The following TOP2B variants were observed in gnomAD, a reference collection of about 807,000 sequenced individuals.
The protein encoded by TOP2B is DNA topoisomerase 2-beta.
TOP2B carries 51 observed loss-of-function variants against 193.5 expected under a neutral mutation model. The ratio of observed to expected loss-of-function variants is 0.26; its 90% CI spans 0.21 to 0.33. The LOEUF is 0.33. Among genes scored for constraint, TOP2B ranks in the 10% least tolerant of loss-of-function variants. TOP2B has a pLI of 1.00. For missense variants in TOP2B, 1,378 were observed against 1,909.3 expected (o/e 0.72, Z 5.19); for synonymous variants, 634 against 635.7 (o/e 1.00, Z 0.04).
At position 25,598,462 on chromosome 3, in the gene TOP2B, A is replaced by C. The variant is rs767371578; in HGVS notation, c.4726T>G (p.Ser1576Ala). ...KTTSKKPKKT[S>A]FDQDSDVDIF... The stretch of plus-strand genomic sequence containing the variant: ...TCCACATCTGAATCCTGATCAAAAG[A>C]TGTCTTCTTCGGTTTCTAGATTTTT... Residue 1576 changes from serine to alanine, a missense_variant, in exon 36 of 36, where the codon TCT (serine) becomes GCT (alanine). By Grantham distance (99) the Ser-to-Ala change is moderately conservative. This residue lies in a region of TOP2B where 556 missense variants were observed against 584.2 expected (regional missense o/e 0.95). Coordinates refer to ENST00000264331, the MANE Select transcript of TOP2B (RefSeq NM_001330700.2). 6.3e-7 allele frequency: 1 copy of C among 1,588,288 alleles called. No individual in the cohort carries two copies. Among genetic ancestry groups the C allele is most frequent in the Non-Finnish European group, 8.5e-7 (1 of 1,171,718 alleles).
chr3:25,609,402 AAAAAT>A, intron 29 of TOP2B, 58 bp from the exon 30 acceptor site: 1 of 1,483,158 alleles, frequency 6.7e-7, no homozygotes, highest in Non-Finnish European at 9.0e-7. Context: ...TGTCATTAGT[AAAAAT>A]AAAATTGTTA....
chr3:25,614,987 G>T (rs972347362), intron 27 of TOP2B, among the ~76,000 whole-genome samples: 8 of 151,886 alleles, frequency 5.3e-5, no homozygotes, highest in Non-Finnish European at 1.0e-4. Flanking sequence ...ATTGAAAGCA[G>T]ATTTAATTTA....
rs1483663562 is a variant in TOP2B, at chr3:25,599,527, T to C, written c.4618A>G (p.Lys1540Glu). The C allele has an allele frequency of 6.2e-7, 1 of 1,611,034 alleles. No homozygotes were observed. Among genetic ancestry groups the C allele is most frequent in the Non-Finnish European group, 8.5e-7 (1 of 1,178,530 alleles). The change falls in exon 35 of 36, where the codon AAA becomes GAA. Residue 1540 changes from lysine (K) to glutamate (E), a missense_variant and splice_region_variant. Around this residue, in one of 9 missense-constraint regions of TOP2B, gnomAD observed 556 missense variants for 584.2 expected, o/e 0.95. Transcript: ENST00000264331. ...TTCCTTTTCTTTGCCCCTCGGCCTT[T>C]ACCTTAAAATGATACAAAAGGTTTT... ...IPKKTTTPKG[K>E]GRGAKKRKAS...
intron 5 of TOP2B, among the ~76,000 whole-genome samples, chr3:25,637,781 C>T (rs1703145030): frequency 6.6e-6 from 1 of 151,984 alleles, no homozygotes. Context: ...GCACTTTCAA[C>T]TCTATTTACA....
At chr3:25,604,114 T>TTG (rs1411821676) in intron 33 of TOP2B, among the ~76,000 whole-genome samples, 1 of 152,228 alleles carries the variant, frequency 6.6e-6, no homozygotes, top group East Asian at 1.9e-4. Context: ...TGTAATGATG[T>TTG]TGTCTGTTGT....
intron 25 of TOP2B, among the ~76,000 whole-genome samples, chr3:25,617,234 CAT>C (rs1702526584): frequency 6.6e-6 from 1 of 151,650 alleles, no homozygotes; most frequent in Non-Finnish European, 1.5e-5. Context: ...TAAAAAAAAA[CAT>C]ATAGTTTAAA....
At chr3:25,604,206 G>GTT (rs531019378) in intron 33 of TOP2B, among the ~76,000 whole-genome samples, 1 of 151,880 alleles carries the variant, frequency 6.6e-6, no homozygotes, top group African/African-American at 2.4e-5. Context: ...AGATTTGTGG[G>GTT]GTTTTTTTTA....
chr3:25,627,079 A>C, intron 16 of TOP2B, 108 bp downstream of exon 16: 1 of 834,990 alleles, frequency 1.2e-6, no homozygotes, highest in South Asian at 1.8e-5. Flanking sequence ...AAAATTAACT[A>C]GCTTGAGCAT....
intron 1 of TOP2B, among the ~76,000 whole-genome samples, chr3:25,651,164 C>A (rs75306935): frequency 0.055 from 8,321 of 151,920 alleles, 739 homozygotes; most frequent in African/African-American, 0.19. Flanking sequence ...TACAGTAATA[C>A]AGATCACTTA....
At chr3:25,610,696 G>A (rs915993115) in intron 28 of TOP2B, among the ~76,000 whole-genome samples, 5 of 152,200 alleles carry the variant, frequency 3.3e-5, no homozygotes, top group African/African-American at 1.2e-4. Context: ...AGTCACTGAA[G>A]ATTTTTAAGC....
At chr3:25,601,300 G>A in intron 33 of TOP2B, 75 bp from the exon 34 acceptor site, 2 of 1,499,058 alleles carry the variant, frequency 1.3e-6, no homozygotes, top group Non-Finnish European at 1.8e-6. Flanking sequence ...CTATATAAAT[G>A]GAATTTCTTA....
intron 21 of TOP2B, among the ~76,000 whole-genome samples, chr3:25,622,639 A>ATTTTT (rs576552400): frequency 1.4e-4 from 19 of 133,776 alleles, no homozygotes; most frequent in African/African-American, 4.9e-4. Flanking sequence ...AAAAATGGGG[A>ATTTTT]TTTTTTTTTT....
rs3736602 is a variant in TOP2B, at chr3:25,632,344, A to C, written c.1266+102T>G. ...GTAGTGCAAGCATGCTTATACCCAC[A>C]GTTAATACGATGAAAGAAACTAATC... is the stretch of plus-strand genomic sequence containing the variant. On this transcript the variant is annotated intron_variant, in intron 10 of 35. Transcript: ENST00000264331. 0.27 allele frequency: 270,147 copies of C among 1,002,770 alleles called. 37,192 individuals carry two copies. Among genetic ancestry groups the C allele is most frequent in the East Asian group, 0.32 (12,165 of 38,206 alleles). The allele number at this position is 1,002,770 out of a possible 1,614,324, so 62.1% of individuals were successfully genotyped here.
intron 31 of TOP2B, among the ~76,000 whole-genome samples, chr3:25,606,642 T>TA (rs1339258134): frequency 1.3e-5 from 2 of 152,178 alleles, no homozygotes; most frequent in African/African-American, 2.4e-5. Context: ...AAAATACTTT[T>TA]AAAAAAACAT....
chr3:25,644,144 C>G (rs145801197), intron 2 of TOP2B, among the ~76,000 whole-genome samples: 2 of 148,494 alleles, frequency 1.3e-5, no homozygotes, highest in Non-Finnish European at 3.0e-5. Flanking sequence ...TAAAATAATA[C>G]GAACAAAGCA....
intron 25 of TOP2B, among the ~76,000 whole-genome samples, chr3:25,617,125 T>A (rs559584261): frequency 2.6e-4 from 40 of 152,116 alleles, no homozygotes; most frequent in Non-Finnish European, 5.3e-4. Flanking sequence ...GCTTTACCCA[T>A]AAATTCTACT....
At chr3:25,621,723 T>A (rs1702662328) in intron 21 of TOP2B, among the ~76,000 whole-genome samples, 1 of 152,008 alleles carries the variant, frequency 6.6e-6, no homozygotes, top group South Asian at 2.1e-4. Context: ...GCACAGTGGC[T>A]CATGCCTGTA....
intron 7 of TOP2B, among the ~76,000 whole-genome samples, 168 bp downstream of exon 7, chr3:25,635,768 G>A (rs1703090370): frequency 6.6e-6 from 1 of 151,340 alleles, no homozygotes; most frequent in South Asian, 2.1e-4. Flanking sequence ...CAAGACAGAA[G>A]CATTATTTGA....
At position 25,664,455 on chromosome 3, in the gene TOP2B, C is replaced by T. The variant is rs1159668846; in HGVS notation, c.-158G>A. ...CATCGCGAAGATCCGGAGCGGACGT[C>T]CAGCCGAGCCCGCTGAGGAGGCCGC... On this transcript the variant is annotated 5_prime_UTR_variant, in exon 1 of 36. Transcript: ENST00000264331. 4 of 1,236,516 alleles carry T rather than the reference C, an allele frequency of 3.2e-6. No individual in the cohort carries two copies. In the African/African-American group the frequency reaches 6.3e-5, roughly 20 times the overall value. 76.6% of individuals were successfully genotyped at this position (1,236,516 alleles called of 1,614,324 possible).
Sources: gnomAD v4.1 joint callset for allele counts (sites outside exome capture counted in the v4.1 genomes callset) on GRCh38, gnomAD v4.1.1 for gene constraint, gnomAD v4.1.1 regional missense constraint, MANE v1.5 for transcripts, NCBI Gene and HGNC (gene_info 2026-07-23, HGNC 2026-07-21) for gene names.